PCCB: variants seen among roughly 807,000 people sequenced by gnomAD.
PCCB encodes propionyl-CoA carboxylase beta chain, mitochondrial.
PCCB carries 43 observed loss-of-function variants against 60.7 expected under a neutral mutation model. The observed-to-expected ratio is 0.71, with a 90% confidence interval of 0.55 to 0.91. The LOEUF is 0.91. PCCB is among the 40% of genes least tolerant of loss of function. The probability of loss-of-function intolerance (pLI) is 0.00; values close to 1 mark genes in which losing one functional copy is unlikely to be tolerated. For missense variants in PCCB, 766 were observed against 702.8 expected, an observed-to-expected ratio of 1.09 and a Z score of -1.02; for synonymous variants, 276 against 255.9, an observed-to-expected ratio of 1.08 and a Z score of -0.75.
intron 5 of PCCB, among the ~76,000 whole-genome samples, chr3:136,273,057 T>G (rs1942241633): frequency 6.6e-6 from 1 of 152,202 alleles, no homozygotes; most frequent in Non-Finnish European, 1.5e-5. Context: ...ATTTTTATCT[T>G]GATTTATTGT....
At chr3:136,313,565 T>A (rs1934753151) in intron 9 of PCCB, among the ~76,000 whole-genome samples, 1 of 151,980 alleles carries the variant, frequency 6.6e-6, no homozygotes, top group Non-Finnish European at 1.5e-5. Context: ...AATAATGAGA[T>A]TAATAACAGG....
Position 136,297,966 on chromosome 3 carries a change from G to C in PCCB, c.778G>C (p.Ala260Pro). The change falls in exon 8 of 15, where the codon GCT becomes CCT. Residue 260 changes from alanine (A) to proline (P), a missense_variant. Transcript: ENST00000251654. ...TGTTCTCTTAGGTGTGGCCCACAGA[G>C]CTTTTGAAAATGATGTTGATGCCTT... Reference protein sequence around the residue: ...HTTMSGVAHRAFENDVDALCN... With the variant: ...HTTMSGVAHRPFENDVDALCN... The C allele has an allele frequency of 6.2e-7, 1 of 1,614,164 alleles. No homozygotes were observed. The highest frequency in any genetic ancestry group is 8.5e-7 in the Non-Finnish European group (1 of 1,179,988).
intron 9 of PCCB, among the ~76,000 whole-genome samples, chr3:136,307,361 A>G (rs769659311): frequency 3.9e-5 from 6 of 152,054 alleles, no homozygotes; most frequent in Admixed American, 2.6e-4. Flanking sequence ...AACAATGTAT[A>G]AGTACTATAT....
At chr3:136,253,425 C>T (rs958186286) in intron 1 of PCCB, among the ~76,000 whole-genome samples, 3 of 151,662 alleles carry the variant, frequency 2.0e-5, no homozygotes, top group African/African-American at 7.3e-5. Flanking sequence ...CACCTTGTTG[C>T]TCAGGCTGGA....
chr3:136,323,263 C>T (rs1442423798), intron 10 of PCCB, among the ~76,000 whole-genome samples: 3 of 152,112 alleles, frequency 2.0e-5, no homozygotes, highest in African/African-American at 7.2e-5. Context: ...CCACAGGTCC[C>T]TTAGGTTCTG....
chr3:136,296,436 C>T (rs1354983213), intron 7 of PCCB, among the ~76,000 whole-genome samples: 1 of 152,212 alleles, frequency 6.6e-6, no homozygotes, highest in East Asian at 1.9e-4. Context: ...TATCATGAAT[C>T]AGTACTTTAT....
chr3:136,284,154 T>G (rs922860773), intron 6 of PCCB, among the ~76,000 whole-genome samples: 1 of 152,206 alleles, frequency 6.6e-6, no homozygotes, highest in Admixed American at 6.5e-5. Context: ...GCTTATGTAC[T>G]TCATTGGTGG....
At position 136,301,076 on chromosome 3, in the gene PCCB, A is replaced by G. The variant is rs772389414; in HGVS notation, c.931A>G (p.Thr311Ala). The G allele has an allele frequency of 3.1e-6, 5 of 1,613,964 alleles. No homozygotes were observed. In the African/African-American group the frequency reaches 6.7e-5, roughly 22 times the overall value. ...TGACACAATTGTCCCTTTGGAATCA[A>G]CCAAAGCCTACAACATGGTGGACAT... ...ELDTIVPLESTKAYNMVDIIH... is the reference protein window; with the variant it reads ...ELDTIVPLESAKAYNMVDIIH... The change falls in exon 9 of 15, where the codon ACC becomes GCC. Residue 311 changes from threonine to alanine, a missense_variant. Coordinates refer to ENST00000251654, the MANE Select transcript of PCCB (RefSeq NM_000532.5).
At chr3:136,257,163 C>G (rs1182218010) in intron 3 of PCCB, among the ~76,000 whole-genome samples, 2 of 152,210 alleles carry the variant, frequency 1.3e-5, no homozygotes, top group African/African-American at 4.8e-5. Context: ...GCTGGCCTTG[C>G]AATAGGGAGA....
intron 10 of PCCB, among the ~76,000 whole-genome samples, chr3:136,323,598 A>G (rs983334861): frequency 6.6e-6 from 1 of 152,176 alleles, no homozygotes; most frequent in Non-Finnish European, 1.5e-5. Context: ...AACCTAGCCA[A>G]TGTGGTGAAA....
chr3:136,320,721 C>A (rs1357008382), intron 10 of PCCB, among the ~76,000 whole-genome samples: 1 of 152,074 alleles, frequency 6.6e-6, no homozygotes, highest in African/African-American at 2.4e-5. Flanking sequence ...TTCATTAGCC[C>A]TCTTGTGGAT....
chr3:136,266,236 GCCCTGC>G (rs1300837023), intron 5 of PCCB, among the ~76,000 whole-genome samples: 1 of 149,862 alleles, frequency 6.7e-6, no homozygotes, highest in East Asian at 2.0e-4. Flanking sequence ...TCAAGTGATT[GCCCTGC>G]CTCTGCCTCC....
At chr3:136,311,770 G>A (rs1051695302) in intron 9 of PCCB, among the ~76,000 whole-genome samples, 8 of 152,092 alleles carry the variant, frequency 5.3e-5, no homozygotes, top group African/African-American at 1.7e-4. Context: ...GACCATCCTG[G>A]GCAACATAGT....
chr3:136,312,131 A>C (rs969968052), intron 9 of PCCB, among the ~76,000 whole-genome samples: 1 of 152,256 alleles, frequency 6.6e-6, no homozygotes, highest in Non-Finnish European at 1.5e-5. Flanking sequence ...ACTCAAGTAC[A>C]TACAGAATTT....
At chr3:136,324,092 A>T (rs1935210276) in intron 10 of PCCB, among the ~76,000 whole-genome samples, 1 of 151,146 alleles carries the variant, frequency 6.6e-6, no homozygotes, top group Non-Finnish European at 1.5e-5. Flanking sequence ...GTGGTCACTG[A>T]AGTCCCTGTT....
At chr3:136,316,298 G>T (rs1049517016) in intron 9 of PCCB, among the ~76,000 whole-genome samples, 3 of 151,588 alleles carry the variant, frequency 2.0e-5, no homozygotes, top group Non-Finnish European at 2.9e-5. Flanking sequence ...TATATGTACT[G>T]TTCTTGAATT....
chr3:136,273,604 T>C (rs575857801), intron 5 of PCCB, among the ~76,000 whole-genome samples: 212 of 139,572 alleles, frequency 1.5e-3, no homozygotes, highest in Middle Eastern at 7.1e-3. Context: ...TTTCTTTTTT[T>C]TTTTTTTTTT....
At chr3:136,328,522 T>A (rs1391296622) in intron 13 of PCCB, among the ~76,000 whole-genome samples, 1 of 152,236 alleles carries the variant, frequency 6.6e-6, no homozygotes, top group African/African-American at 2.4e-5. Context: ...GGCTTTTGCC[T>A]GACTGCCCCT....
intron 5 of PCCB, among the ~76,000 whole-genome samples, chr3:136,271,076 G>A (rs1408308747): frequency 1.3e-5 from 2 of 152,178 alleles, no homozygotes; most frequent in East Asian, 3.8e-4. Context: ...AGCTCTGTGA[G>A]TTGGCTCTTT....
Sources: gnomAD v4.1 joint callset for allele counts (sites outside exome capture counted in the v4.1 genomes callset) on GRCh38, gnomAD v4.1.1 for gene constraint, MANE v1.5 for transcripts, NCBI Gene and HGNC (gene_info 2026-07-23, HGNC 2026-07-21) for gene names.